The following GALNTL6 variants were observed in gnomAD, a reference collection of about 807,000 sequenced individuals.
GALNTL6 encodes polypeptide N-acetylgalactosaminyltransferase-like 6.
Under a neutral mutation model 73.7 loss-of-function variants are expected in GALNTL6, and 46 were observed. The observed-to-expected ratio is 0.62, with a 90% CI of 0.49 to 0.80. GALNTL6 has a LOEUF of 0.80. GALNTL6 is among the 30% of genes least tolerant of loss of function. The pLI, the probability that GALNTL6 is intolerant of heterozygous loss-of-function variation, is 0.00. For synonymous variants in GALNTL6, 259 were observed against 263.7 expected, an observed-to-expected ratio of 0.98 and a Z score of 0.17; for missense variants, 604 against 755.0, an observed-to-expected ratio of 0.80 and a Z score of 2.34.
chr4:172,047,166 C>G (rs1355519861), intron 2 of GALNTL6, among the ~76,000 whole-genome samples: 1 of 152,148 alleles, frequency 6.6e-6, no homozygotes, highest in Non-Finnish European at 1.5e-5. Flanking sequence ...ATTGCTGCCA[C>G]TTTGGCCTCC....
intron 2 of GALNTL6, among the ~76,000 whole-genome samples, chr4:172,198,367 C>A (rs1735846431): frequency 6.7e-6 from 1 of 149,552 alleles, no homozygotes; most frequent in East Asian, 2.0e-4. Flanking sequence ...ATTTATCTGA[C>A]AAAGGTCTAA....
intron 8 of GALNTL6, among the ~76,000 whole-genome samples, chr4:172,928,185 A>G (rs1223926007): frequency 6.6e-6 from 1 of 152,228 alleles, no homozygotes; most frequent in East Asian, 1.9e-4. Flanking sequence ...TATGACCTAC[A>G]AAGGCAAAAG....
chr4:172,759,773 C>A (rs1485324540), intron 5 of GALNTL6, among the ~76,000 whole-genome samples: 2 of 146,440 alleles, frequency 1.4e-5, no homozygotes, highest in Non-Finnish European at 3.0e-5. Context: ...AAATCCTGCA[C>A]CTGCACTCTT....
chr4:172,572,696 T>C (rs558261998), intron 5 of GALNTL6, among the ~76,000 whole-genome samples: 1 of 152,340 alleles, frequency 6.6e-6, no homozygotes, highest in African/African-American at 2.4e-5. Context: ...TCTGTGCCTC[T>C]GTTTACTTGT....
chr4:172,166,325 A>G (rs1734623992), intron 2 of GALNTL6, among the ~76,000 whole-genome samples: 1 of 152,110 alleles, frequency 6.6e-6, no homozygotes, highest in Non-Finnish European at 1.5e-5. Context: ...GCATGCCTGT[A>G]ATCCCAGATA....
At chr4:172,205,681 G>A (rs1736087747) in intron 2 of GALNTL6, among the ~76,000 whole-genome samples, 1 of 152,162 alleles carries the variant, frequency 6.6e-6, no homozygotes, top group African/African-American at 2.4e-5. Context: ...AAGCTACTGC[G>A]ATGTTTGTTC....
chr4:172,789,467 T>G (rs1425363472), intron 5 of GALNTL6, among the ~76,000 whole-genome samples: 1 of 152,212 alleles, frequency 6.6e-6, no homozygotes, highest in East Asian at 1.9e-4. Context: ...GTATTTTATG[T>G]GTGGCCCAAT....
At chr4:172,602,496 T>A (rs528895087) in intron 5 of GALNTL6, among the ~76,000 whole-genome samples, 1 of 151,954 alleles carries the variant, frequency 6.6e-6, no homozygotes, top group Non-Finnish European at 1.5e-5. Flanking sequence ...TAAATTAGGT[T>A]TAAATTATTT....
chr4:172,967,283 G>C (rs961218954), intron 10 of GALNTL6, among the ~76,000 whole-genome samples: 2 of 152,120 alleles, frequency 1.3e-5, no homozygotes, highest in Admixed American at 1.3e-4. Flanking sequence ...TTATTGCCCA[G>C]TCGAAATGAT....
At chr4:172,833,971 G>C (rs1051833734) in intron 7 of GALNTL6, among the ~76,000 whole-genome samples, 12 of 152,126 alleles carry the variant, frequency 7.9e-5, no homozygotes, top group Admixed American at 5.9e-4. Flanking sequence ...AACAAAAATA[G>C]CTGAGCGTGG....
chr4:171,858,184 A>G (rs895397223), intron 2 of GALNTL6, among the ~76,000 whole-genome samples: 1 of 152,182 alleles, frequency 6.6e-6, no homozygotes, highest in Non-Finnish European at 1.5e-5. Flanking sequence ...CATTGCAAAA[A>G]GTTAGGTAAA....
chr4:172,300,096 G>A (rs1404059421), intron 3 of GALNTL6, among the ~76,000 whole-genome samples: 2 of 152,160 alleles, frequency 1.3e-5, no homozygotes, highest in Non-Finnish European at 2.9e-5. Flanking sequence ...AGCTCTTCTT[G>A]TTGAATTGAT....
chr4:172,951,539 A>G (rs1363262545), intron 9 of GALNTL6, among the ~76,000 whole-genome samples: 1 of 152,264 alleles, frequency 6.6e-6, no homozygotes, highest in Non-Finnish European at 1.5e-5. Flanking sequence ...ATCAGAACAC[A>G]CAGTTTTAAA....
intron 5 of GALNTL6, among the ~76,000 whole-genome samples, chr4:172,547,567 G>A (rs1481215903): frequency 6.6e-6 from 1 of 152,040 alleles, no homozygotes; most frequent in African/African-American, 2.4e-5. Flanking sequence ...GCAACACCAT[G>A]TGAAAAGTTC....
At chr4:172,285,816 G>A (rs1255635160) in intron 3 of GALNTL6, among the ~76,000 whole-genome samples, 1 of 152,158 alleles carries the variant, frequency 6.6e-6, no homozygotes, top group Non-Finnish European at 1.5e-5. Context: ...ATTCCCAAAT[G>A]GAGTTTACTT....
intron 2 of GALNTL6, among the ~76,000 whole-genome samples, chr4:171,991,376 A>G (rs545188432): frequency 2.0e-5 from 3 of 152,246 alleles, no homozygotes; most frequent in East Asian, 1.9e-4. Context: ...TGAAGTGCCA[A>G]TCAAAACCAT....
chr4:172,098,201 A>G (rs537132023), intron 2 of GALNTL6, among the ~76,000 whole-genome samples: 2 of 152,172 alleles, frequency 1.3e-5, no homozygotes, highest in East Asian at 1.9e-4. Context: ...CTATATATCT[A>G]TGTATATATA....
intron 3 of GALNTL6, among the ~76,000 whole-genome samples, chr4:172,306,315 G>A (rs909491910): frequency 3.9e-5 from 6 of 152,068 alleles, no homozygotes; most frequent in Non-Finnish European, 7.4e-5. Flanking sequence ...CTTGAACTTG[G>A]GAGGTGCAGC....
chr4:172,714,335 ACACT>A (rs1734921822), intron 5 of GALNTL6, among the ~76,000 whole-genome samples: 1 of 137,872 alleles, frequency 7.3e-6, no homozygotes, highest in South Asian at 2.5e-4. Context: ...ACACACACAC[ACACT>A]CATCTGCTAA....
Sources: gnomAD v4.1 joint callset for allele counts (sites outside exome capture counted in the v4.1 genomes callset) on GRCh38, gnomAD v4.1.1 for gene constraint, MANE v1.5 for transcripts, NCBI Gene and HGNC (gene_info 2026-07-23, HGNC 2026-07-21) for gene names.